Variants in DCC observed in about 807,000 individuals in gnomAD.
DCC encodes netrin receptor DCC.
DCC carries 58 observed loss-of-function variants against 172.5 expected under a neutral mutation model. The observed-to-expected ratio is 0.34, with a 90% CI of 0.27 to 0.42. DCC has a LOEUF of 0.42. DCC is among the 10% of genes least tolerant of loss of function. The probability of loss-of-function intolerance (pLI) is 1.00; values close to 1 mark genes in which losing one functional copy is unlikely to be tolerated. For synonymous variants in DCC, 709 were observed against 644.5 expected (o/e 1.10, Z -1.52); for missense variants, 1,740 against 1,791.0 (o/e 0.97, Z 0.51).
intron 19 of DCC, among the ~76,000 whole-genome samples, 180 bp downstream of exon 19, chr18:53,403,073 TGCAC>T (rs1186599592): frequency 4.0e-5 from 4 of 99,168 alleles, no homozygotes; most frequent in Admixed American, 2.6e-4. Context: ...CTTCTAATGG[TGCAC>T]ACACACACAC....
intron 1 of DCC, among the ~76,000 whole-genome samples, chr18:52,660,083 G>T (rs148041506): frequency 6.6e-6 from 1 of 151,946 alleles, no homozygotes; most frequent in African/African-American, 2.4e-5. Flanking sequence ...ATAAGAAATC[G>T]GTTCTCTAGA....
At chr18:52,477,161 G>A (rs1989117707) in intron 1 of DCC, among the ~76,000 whole-genome samples, 1 of 152,124 alleles carries the variant, frequency 6.6e-6, no homozygotes, top group Non-Finnish European at 1.5e-5. Context: ...AGACATGGTG[G>A]TGATGGCTTG....
chr18:52,688,793 A>G (rs1354611205), intron 1 of DCC, among the ~76,000 whole-genome samples: 1 of 152,110 alleles, frequency 6.6e-6, no homozygotes, highest in Non-Finnish European at 1.5e-5. Flanking sequence ...AAAATATAAA[A>G]ATAAAACATA....
intron 7 of DCC, among the ~76,000 whole-genome samples, chr18:53,133,111 T>C (rs532501772): frequency 1.1e-4 from 16 of 152,316 alleles, no homozygotes; most frequent in South Asian, 4.1e-4. Context: ...TCTTCTTAGT[T>C]ATCACATGGC....
chr18:53,476,048 A>T (rs984627818), intron 25 of DCC, among the ~76,000 whole-genome samples: 2 of 152,222 alleles, frequency 1.3e-5, no homozygotes, highest in African/African-American at 4.8e-5. Flanking sequence ...TCAGACTTGC[A>T]TGGCGCCTGT....
At chr18:52,755,412 T>A (rs766197695) in intron 2 of DCC, among the ~76,000 whole-genome samples, 15 of 152,220 alleles carry the variant, frequency 9.9e-5, no homozygotes, top group Non-Finnish European at 1.8e-4. Context: ...TGGCTTGGAC[T>A]TTAGTATTCT....
chr18:53,115,767 CAACTT>C (rs1264862557), intron 7 of DCC, among the ~76,000 whole-genome samples: 4 of 151,428 alleles, frequency 2.6e-5, no homozygotes, highest in Non-Finnish European at 5.9e-5. Flanking sequence ...AAAGTAAACT[CAACTT>C]GAACAAAAAT....
At chr18:53,343,239 T>C (rs2057682989) in intron 15 of DCC, among the ~76,000 whole-genome samples, 2 of 151,916 alleles carry the variant, frequency 1.3e-5, no homozygotes, top group Non-Finnish European at 2.9e-5. Flanking sequence ...TATCTTTCCT[T>C]TGTGTCTGAT....
At chr18:52,356,668 C>T (rs188665257) in intron 1 of DCC, among the ~76,000 whole-genome samples, 3 of 152,286 alleles carry the variant, frequency 2.0e-5, no homozygotes, top group African/African-American at 7.2e-5. Flanking sequence ...ATACCTCTAT[C>T]AAGTGGGCAA....
At chr18:52,971,154 C>G (rs952730809) in intron 5 of DCC, among the ~76,000 whole-genome samples, 3 of 151,988 alleles carry the variant, frequency 2.0e-5, no homozygotes, top group African/African-American at 7.3e-5. Context: ...CAGCTTTTTC[C>G]TTGGCCTTTT....
intron 1 of DCC, among the ~76,000 whole-genome samples, chr18:52,345,163 TGAAC>T (rs1302170519): frequency 6.6e-6 from 1 of 152,234 alleles, no homozygotes; most frequent in East Asian, 1.9e-4. Context: ...ATCTCTTAGA[TGAAC>T]TATATACATA....
In DCC at chr18:52,923,784, C is replaced by T. The variant is rs981733248; in HGVS notation, c.775C>T (p.Leu259=). Residue 259 remains leucine (L), a synonymous_variant, in exon 4 of 29, where the codon CTG becomes TTG. Transcript: ENST00000442544. ...VVAIEGKDAV[L]ECCVSGYPPP... ...AGCCATTGAAGGAAAAGATGCTGTC[C>T]TGGAATGTTGTGTTTCTGGCTATCC... 6.2e-7 allele frequency: 1 copy of T among 1,612,750 alleles called. No homozygotes were observed. Among genetic ancestry groups the T allele is most frequent in the Admixed American group, 1.7e-5 (1 of 59,890 alleles).
intron 1 of DCC, among the ~76,000 whole-genome samples, chr18:52,660,284 C>G (rs1174787502): frequency 6.6e-6 from 1 of 152,106 alleles, no homozygotes; most frequent in Non-Finnish European, 1.5e-5. Flanking sequence ...AGGAAGACTG[C>G]TTTTGTGTGC....
chr18:52,862,356 T>C (rs1453086460), intron 2 of DCC, among the ~76,000 whole-genome samples: 2 of 152,062 alleles, frequency 1.3e-5, no homozygotes, highest in African/African-American at 4.8e-5. Context: ...GAAAATAGGA[T>C]CACCGGTCAC....
chr18:52,682,838 T>G (rs2035772009), intron 1 of DCC, among the ~76,000 whole-genome samples: 1 of 152,078 alleles, frequency 6.6e-6, no homozygotes, highest in South Asian at 2.1e-4. Context: ...GAAGTGGGCC[T>G]CGTTTAAGGG....
intron 2 of DCC, among the ~76,000 whole-genome samples, chr18:52,754,974 G>A (rs1269785456): frequency 6.6e-6 from 1 of 152,234 alleles, no homozygotes; most frequent in Non-Finnish European, 1.5e-5. Context: ...GAACCTTGGA[G>A]TGATGAGTGT....
At chr18:52,667,763 C>CAAAG (rs940838306) in intron 1 of DCC, among the ~76,000 whole-genome samples, 6 of 151,590 alleles carry the variant, frequency 4.0e-5, no homozygotes, top group South Asian at 2.1e-4. Flanking sequence ...CTTCCCTAAG[C>CAAAG]AAAGAAAGAA....
chr18:52,847,013 C>A (rs759967740), intron 2 of DCC, among the ~76,000 whole-genome samples: 5 of 152,094 alleles, frequency 3.3e-5, no homozygotes, highest in Admixed American at 6.5e-5. Flanking sequence ...GAGTCCTGAC[C>A]TTACAGGTAG....
At chr18:53,235,304 C>A (rs2056184479) in intron 12 of DCC, among the ~76,000 whole-genome samples, 1 of 152,134 alleles carries the variant, frequency 6.6e-6, no homozygotes. Flanking sequence ...GGCACAAATT[C>A]ACATTATTTC....
Sources: gnomAD v4.1 joint callset for allele counts (sites outside exome capture counted in the v4.1 genomes callset) on GRCh38, gnomAD v4.1.1 for gene constraint, MANE v1.5 for transcripts, NCBI Gene and HGNC (gene_info 2026-07-23, HGNC 2026-07-21) for gene names.